Variants in HSF5 observed in about 807,000 individuals in gnomAD.
HSF5 encodes heat shock factor protein 5.
In HSF5, 5 loss-of-function variants were observed where a neutral mutation model predicts 50.8. The ratio of observed to expected loss-of-function variants is 0.10; its 90% CI spans 0.05 to 0.21. The LOEUF is 0.21. Ranked by LOEUF, HSF5 falls within the 10% of genes least tolerant of loss-of-function variation. HSF5 has a pLI of 1.00. For missense variants in HSF5, 564 were observed against 762.6 expected (o/e 0.74, Z 3.07); for synonymous variants, 307 against 307.4 (o/e 1.00, Z 0.02).
At chr17:58,476,373 TC>T in intron 2 of HSF5, 2 of 1,077,008 alleles carry the variant, frequency 1.9e-6, no homozygotes, top group Admixed American at 3.4e-5. Flanking sequence ...GGTCAGTAAA[TC>T]AGGTAAAGAA....
At chr17:58,434,355 C>T (rs1216787071) in intron 5 of HSF5, among the ~76,000 whole-genome samples, 1 of 151,724 alleles carries the variant, frequency 6.6e-6, no homozygotes, top group African/African-American at 2.4e-5. Context: ...TCGAGACCAT[C>T]CCGGCCAACA....
rs1974287456 is a variant in HSF5, at chr17:58,425,602, A to AC, written c.1721-3173dup. Reference sequence around the variant, plus strand: ...AAAAAAAAAAAAAAAAAAAAAAAAAACAGGTTAAAATGGTAACTTTTATGT... The same window carrying AC: ...AAAAAAAAAAAAAAAAAAAAAAAAAACCAGGTTAAAATGGTAACTTTTATGT... On this transcript the variant is annotated intron_variant, in intron 5 of 5. Coordinates refer to ENST00000323777, the MANE Select transcript of HSF5 (RefSeq NM_001080439.3). Among the ~76,000 whole-genome samples, 6 of 147,942 alleles carry AC rather than the reference A, an allele frequency of 4.1e-5. 1 individual carries two copies. The highest frequency in any genetic ancestry group is 3.0e-5 in the Non-Finnish European group (2 of 66,208).
chr17:58,436,745 A>G (rs895904733), intron 5 of HSF5, among the ~76,000 whole-genome samples: 1 of 152,170 alleles, frequency 6.6e-6, no homozygotes, highest in African/African-American at 2.4e-5. Context: ...CGCCTTAAAA[A>G]CATCAAAAAA....
intron 2 of HSF5, among the ~76,000 whole-genome samples, chr17:58,477,836 A>C (rs921793963): frequency 2.0e-5 from 3 of 151,998 alleles, no homozygotes; most frequent in African/African-American, 7.2e-5. Context: ...AAAATAAAAA[A>C]ATATTTTAGC....
At chr17:58,466,815 TTGAAA>T in intron 3 of HSF5, 65 bp downstream of exon 3, 1 of 905,318 alleles carries the variant, frequency 1.1e-6, no homozygotes, top group South Asian at 1.3e-5. Flanking sequence ...AAATTACACT[TTGAAA>T]TTTTGCAATA....
intron 2 of HSF5, 81 bp from the exon 3 acceptor site, chr17:58,467,060 G>A: frequency 9.3e-6 from 8 of 864,562 alleles, no homozygotes; most frequent in South Asian, 3.0e-5. Context: ...CTTTCAACAT[G>A]GAAAGAAATC....
In HSF5 at chr17:58,422,337, A is replaced by C; in HGVS notation, c.*23T>G. ...TGCCTCCAGCTACAGCTAGTGCACA[A>C]TGTCACATTTGTCATCCATTCCTCA... On this transcript the variant is annotated 3_prime_UTR_variant, in exon 6 of 6. Coordinates refer to ENST00000323777, the MANE Select transcript of HSF5 (RefSeq NM_001080439.3). 6.3e-7 allele frequency: 1 copy of C among 1,584,472 alleles called. No individual in the cohort carries two copies. Among genetic ancestry groups the C allele is most frequent in the Non-Finnish European group, 8.7e-7 (1 of 1,153,480 alleles).
chr17:58,471,621 CT>C (rs35088448), intron 2 of HSF5, among the ~76,000 whole-genome samples: 189 of 144,688 alleles, frequency 1.3e-3, no homozygotes, highest in African/African-American at 2.8e-3. Flanking sequence ...CCTTTTCTTT[CT>C]TTTTTTTTTT....
rs181001957 is a variant in HSF5, at chr17:58,452,294, A to G, written c.1720+6474T>C. 1.4e-4 allele frequency among the ~76,000 whole-genome samples: 21 copies of G among 152,228 alleles called. No individual in the cohort carries two copies. The East Asian group carries it at 2.7e-3, about 20-fold the overall frequency. ...CAAAAAAGAAAGAAAGAAATAATAAAAAAACCTCTAAATCAGAGTTGAAAA... is the reference window on the plus strand; with the variant it reads ...CAAAAAAGAAAGAAAGAAATAATAAGAAAACCTCTAAATCAGAGTTGAAAA... On this transcript the variant is annotated intron_variant, in intron 5 of 5. Transcript: ENST00000323777.
chr17:58,426,559 G>A (rs1349544121), intron 5 of HSF5, among the ~76,000 whole-genome samples: 2 of 152,100 alleles, frequency 1.3e-5, no homozygotes, highest in East Asian at 3.8e-4. Flanking sequence ...TAGGGTTTTG[G>A]GGCTATTACC....
At chr17:58,433,056 C>T (rs1974384560) in intron 5 of HSF5, among the ~76,000 whole-genome samples, 1 of 152,144 alleles carries the variant, frequency 6.6e-6, no homozygotes, top group South Asian at 2.1e-4. Context: ...CTCTGTTGCC[C>T]AGGCTGGAGT....
intron 5 of HSF5, among the ~76,000 whole-genome samples, chr17:58,449,714 A>T (rs1163285549): frequency 6.7e-6 from 1 of 149,036 alleles, no homozygotes; most frequent in African/African-American, 2.5e-5. Flanking sequence ...AAAAAAAAAA[A>T]ATTTTTTTTA....
In HSF5 at chr17:58,435,791, C is replaced by T. The variant is rs182215345; in HGVS notation, c.1721-13361G>A. 6.1e-3 allele frequency among the ~76,000 whole-genome samples: 883 copies of T among 144,306 alleles called. 5 individuals are homozygous for T. Among genetic ancestry groups the T allele is most frequent in the African/African-American group, 9.9e-3 (385 of 38,724 alleles). The allele number at this position is 144,306 out of a possible 152,430, so 94.7% of individuals were successfully genotyped here. ...GCGGGCGCCTGTAGTCCCAGCTACT[C>T]GGGAGGCTGAGGCAGGAGAATGGTG... On this transcript the variant is annotated intron_variant, in intron 5 of 5. Coordinates refer to ENST00000323777, the MANE Select transcript of HSF5 (RefSeq NM_001080439.3).
intron 3 of HSF5, 87 bp from the exon 4 acceptor site, chr17:58,463,390 C>T: frequency 2.9e-6 from 3 of 1,035,466 alleles, no homozygotes; most frequent in Non-Finnish European, 4.2e-6. Context: ...CTGATGAGTG[C>T]TAAACATAAA....
intron 5 of HSF5, among the ~76,000 whole-genome samples, chr17:58,441,401 T>C (rs1364891600): frequency 6.6e-6 from 1 of 152,174 alleles, no homozygotes; most frequent in Admixed American, 6.5e-5. Flanking sequence ...GTTTTAAATG[T>C]TAATCTTAGA....
At chr17:58,458,973 G>A in intron 4 of HSF5, 28 bp from the exon 5 acceptor site, 1 of 1,574,496 alleles carries the variant, frequency 6.4e-7, no homozygotes, top group Non-Finnish European at 8.6e-7. Context: ...TTCATTATTT[G>A]AGATTTCCTC....
At chr17:58,487,592 G>A (rs1975203323) in intron 1 of HSF5, 133 bp downstream of exon 1, 1 of 1,280,572 alleles carries the variant, frequency 7.8e-7, no homozygotes, top group South Asian at 2.9e-5. Flanking sequence ...GGGAAGCACA[G>A]CGGCCAATGG....
At chr17:58,449,607 C>T (rs960945146) in intron 5 of HSF5, among the ~76,000 whole-genome samples, 2 of 149,996 alleles carry the variant, frequency 1.3e-5, no homozygotes, top group African/African-American at 4.9e-5. Flanking sequence ...GGCTGAGGCA[C>T]GAGAATCGCT....
At chr17:58,454,120 C>A (rs1451593683) in intron 5 of HSF5, among the ~76,000 whole-genome samples, 1 of 152,132 alleles carries the variant, frequency 6.6e-6, no homozygotes, top group Middle Eastern at 3.4e-3. Context: ...AAACCAGAGA[C>A]CTTTGTTCAC....
Sources: allele counts gnomAD v4.1 joint callset (sites outside exome capture counted in the v4.1 genomes callset), GRCh38; gene constraint gnomAD v4.1.1; transcripts MANE v1.5; gene names NCBI Gene and HGNC (gene_info 2026-07-23, HGNC 2026-07-21).